POM121C: variants seen among roughly 807,000 people sequenced by gnomAD.
POM121C encodes the protein nuclear envelope pore membrane protein POM 121C.
In POM121C, 20 loss-of-function variants were observed where a neutral mutation model predicts 66.4. The ratio of observed to expected loss-of-function variants is 0.30; its 90% CI spans 0.21 to 0.44. The LOEUF is 0.44. POM121C is among the 20% of genes least tolerant of loss of function. The pLI is 1.00. For missense variants in POM121C, 580 were observed against 1,225.7 expected, an observed-to-expected ratio of 0.47 and a Z score of 7.87; for synonymous variants, 286 against 528.0, an observed-to-expected ratio of 0.54 and a Z score of 6.28.
At chr7:75,427,952 C>T (rs1194062341) in intron 7 of POM121C, among the ~76,000 whole-genome samples, 11 of 152,064 alleles carry the variant, frequency 7.2e-5, no homozygotes, top group African/African-American at 9.7e-5. Context: ...GTTGAAGTTA[C>T]GCTCAAACAG....
intron 5 of POM121C, among the ~76,000 whole-genome samples, chr7:75,440,101 G>C (rs1233372083): frequency 6.6e-6 from 1 of 151,358 alleles, no homozygotes; most frequent in Non-Finnish European, 1.5e-5. Flanking sequence ...GGCTGGTCTC[G>C]AACTCCTGAC....
intron 1 of POM121C, among the ~76,000 whole-genome samples, chr7:75,476,248 A>G (rs1554479338): frequency 1.3e-5 from 2 of 151,882 alleles, no homozygotes; most frequent in African/African-American, 2.4e-5. Context: ...CTGTGAATGC[A>G]ACACTGCACT....
At chr7:75,430,111 A>T (rs1790107284) in intron 7 of POM121C, among the ~76,000 whole-genome samples, 1 of 152,248 alleles carries the variant, frequency 6.6e-6, no homozygotes, top group Non-Finnish European at 1.5e-5. Context: ...TCAGTAGATG[A>T]AAGGCAATCC....
chr7:75,434,584 T>A (rs1446176498), intron 7 of POM121C, among the ~76,000 whole-genome samples: 20 of 1,698 alleles, frequency 0.012, no homozygotes, highest in Non-Finnish European at 0.021. Flanking sequence ...TCAGCTAGCT[T>A]TTTTTTTTTT....
chr7:75,457,204 AATAC>A (rs1204109809), intron 3 of POM121C, among the ~76,000 whole-genome samples: 11 of 145,008 alleles, frequency 7.6e-5, no homozygotes, highest in African/African-American at 1.3e-4. Flanking sequence ...TAAATAAATA[AATAC>A]ATGAAGCAAC....
chr7:75,457,219 G>A (rs782644883), intron 3 of POM121C, among the ~76,000 whole-genome samples: 165 of 144,386 alleles, frequency 1.1e-3, no homozygotes, highest in Middle Eastern at 3.5e-3. Flanking sequence ...ATGAAGCAAC[G>A]ATCCAATCAA....
chr7:75,473,694 T>G (rs1464972035), intron 3 of POM121C, among the ~76,000 whole-genome samples: 2 of 151,858 alleles, frequency 1.3e-5, no homozygotes, highest in East Asian at 3.9e-4. Context: ...TTGTTTGTTT[T>G]TTTGTTTTTT....
At chr7:75,424,027 C>T (rs1554471318) in intron 12 of POM121C, 22 bp downstream of exon 12, 1 of 1,609,266 alleles carries the variant, frequency 6.2e-7, no homozygotes, top group South Asian at 1.1e-5. Context: ...AAGGCTGGAT[C>T]CACGGCCCCA....
In POM121C at chr7:75,417,346, TTAA is replaced by T. The variant is rs1317900062; in HGVS notation, c.*1447_*1449del. ...ACTTAACTATACAGCTAATTCCTAG[TTAA>T]TAGCATTTATACTTAACCACCTCAA... On this transcript the variant is annotated 3_prime_UTR_variant, in exon 15 of 15. Coordinates refer to ENST00000615331, the MANE Select transcript of POM121C (RefSeq NM_001099415.3). 4 of 867,120 alleles carry T rather than the reference TTAA, an allele frequency of 4.6e-6. No individual in the cohort carries two copies. In the African/African-American group the frequency reaches 7.3e-5, roughly 16 times the overall value. 53.7% of individuals were successfully genotyped at this position (867,120 alleles called of 1,614,324 possible). A position where few individuals can be genotyped will look rare whatever the true frequency, so the allele number is the denominator to read the frequency against.
At chr7:75,444,223 T>C (rs1442828750) in intron 3 of POM121C, among the ~76,000 whole-genome samples, 51 of 124,004 alleles carry the variant, frequency 4.1e-4, no homozygotes, top group African/African-American at 1.4e-3. Context: ...TTTAATATAC[T>C]GTGACTTCAC....
chr7:75,470,194 G>A (rs1477140307), intron 3 of POM121C, among the ~76,000 whole-genome samples: 7 of 101,618 alleles, frequency 6.9e-5, no homozygotes, highest in African/African-American at 1.6e-4. Context: ...CACCACGCCC[G>A]GCCTTGACAC....
intron 3 of POM121C, among the ~76,000 whole-genome samples, chr7:75,463,884 A>G (rs1239008565): frequency 1.2e-4 from 18 of 151,408 alleles, no homozygotes; most frequent in Admixed American, 8.6e-4. Context: ...TAGAGATGGG[A>G]TTTCACCATG....
chr7:75,468,138 A>G (rs1223266629), intron 3 of POM121C, among the ~76,000 whole-genome samples: 3 of 105,674 alleles, frequency 2.8e-5, no homozygotes, highest in African/African-American at 9.6e-5. Flanking sequence ...AAAAAAAAAA[A>G]AAAAAAAAAA....
intron 3 of POM121C, among the ~76,000 whole-genome samples, chr7:75,460,247 A>G (rs2690624): frequency 0.15 from 19,508 of 128,606 alleles, 2,779 homozygotes; most frequent in African/African-American, 0.42. Flanking sequence ...ATCCCAGCAC[A>G]TTAGGGGGCC....
chr7:75,418,497 G>T lies in POM121C; in HGVS notation c.*299C>A. 1 of 1,140,826 alleles carries T rather than the reference G, an allele frequency of 8.8e-7. No homozygotes were observed. Among genetic ancestry groups the T allele is most frequent in the African/African-American group, 1.6e-5 (1 of 61,294 alleles). The allele number at this position is 1,140,826 out of a possible 1,614,324, so 70.7% of individuals were successfully genotyped here. On this transcript the variant is annotated 3_prime_UTR_variant, in exon 15 of 15. Coordinates refer to ENST00000615331, the MANE Select transcript of POM121C (RefSeq NM_001099415.3). The stretch of plus-strand genomic sequence containing the variant: ...GGGCGCCTGCCTAAGGGTGCGCTAA[G>T]CGGGAGTCAGGGCAGCGGACACTAT...
intron 7 of POM121C, among the ~76,000 whole-genome samples, chr7:75,435,210 G>T (rs782658334): frequency 2.6e-4 from 40 of 152,222 alleles, no homozygotes; most frequent in Admixed American, 1.3e-3. Context: ...CTATGCAGTT[G>T]TAAGACCAAA....
chr7:75,481,383 C>A (rs1399152706), intron 1 of POM121C, among the ~76,000 whole-genome samples: 1 of 152,018 alleles, frequency 6.6e-6, no homozygotes, highest in Non-Finnish European at 1.5e-5. Flanking sequence ...ATCACAACTT[C>A]TATGTACTGA....
chr7:75,419,554 C>T, intron 13 of POM121C, 112 bp from the exon 14 acceptor site: 1 of 1,272,504 alleles, frequency 7.9e-7, no homozygotes. Context: ...CTCAGCCCCA[C>T]TTCTGCTTCT....
chr7:75,430,813 A>C (rs1372406860), intron 7 of POM121C, among the ~76,000 whole-genome samples: 1 of 152,194 alleles, frequency 6.6e-6, no homozygotes, highest in East Asian at 1.9e-4. Flanking sequence ...GCGGTGGCTC[A>C]TGCCTGTAAT....
Sources: allele counts gnomAD v4.1 joint callset (sites outside exome capture counted in the v4.1 genomes callset), GRCh38; gene constraint gnomAD v4.1.1; transcripts MANE v1.5; gene names NCBI Gene and HGNC (gene_info 2026-07-23, HGNC 2026-07-21).